Variants in FAM20B observed in about 807,000 individuals in gnomAD.
The protein encoded by FAM20B is glycosaminoglycan xylosylkinase.
A neutral mutation model predicts 43.8 loss-of-function variants in FAM20B; 23 were observed. That is an observed-to-expected ratio of 0.53 (90% CI 0.38 to 0.74). FAM20B has a LOEUF of 0.74. FAM20B is among the 30% of genes least tolerant of loss of function. FAM20B has a pLI of 0.00. For synonymous variants in FAM20B, 178 were observed against 192.4 expected (o/e 0.93, Z 0.62); for missense variants, 440 against 510.5 (o/e 0.86, Z 1.33).
chr1:179,038,884 A>C (rs1021960230), intron 1 of FAM20B, among the ~76,000 whole-genome samples: 2 of 152,206 alleles, frequency 1.3e-5, no homozygotes, highest in Non-Finnish European at 2.9e-5. Flanking sequence ...TTTGAAATTA[A>C]CTCTCACTTT....
intron 3 of FAM20B, among the ~76,000 whole-genome samples, chr1:179,050,760 A>G (rs1464957841): frequency 6.6e-6 from 1 of 152,230 alleles, no homozygotes; most frequent in South Asian, 2.1e-4. Context: ...CTGGAAACAT[A>G]TAGCATGAAA....
At chr1:179,067,053 G>T (rs555049085) in intron 7 of FAM20B, among the ~76,000 whole-genome samples, 194 bp downstream of exon 7, 26 of 151,612 alleles carry the variant, frequency 1.7e-4, no homozygotes, top group Admixed American at 8.5e-4. Context: ...CCAAAGCTCA[G>T]AATTCATCTC....
chr1:179,050,413 ATC>A, intron 3 of FAM20B, 48 bp downstream of exon 3: 1 of 1,480,648 alleles, frequency 6.8e-7, no homozygotes, highest in Non-Finnish European at 9.4e-7. Flanking sequence ...GCTTTCAAAA[ATC>A]TTTCTTGGAG....
intron 7 of FAM20B, among the ~76,000 whole-genome samples, chr1:179,070,137 C>T (rs962150643): frequency 1.3e-5 from 2 of 151,944 alleles, no homozygotes; most frequent in African/African-American, 4.8e-5. Context: ...CCTCCGCCTC[C>T]CAGGTTCAAG....
chr1:179,067,477 C>CACCA (rs1326333248), intron 7 of FAM20B, among the ~76,000 whole-genome samples: 1 of 152,070 alleles, frequency 6.6e-6, no homozygotes, highest in African/African-American at 2.4e-5. Context: ...TGGTGGCAGG[C>CACCA]ACCAGTATTC....
chr1:179,020,837 A>G (rs1292330345), upstream of FAM20B, among the ~76,000 whole-genome samples: 3 of 152,202 alleles, frequency 2.0e-5, no homozygotes, highest in Non-Finnish European at 4.4e-5. Flanking sequence ...TTGGGAGGCC[A>G]AGGCAGGAGG....
chr1:179,051,626 C>CAATAA (rs577697503), intron 3 of FAM20B, among the ~76,000 whole-genome samples: 10 of 152,066 alleles, frequency 6.6e-5, no homozygotes, highest in East Asian at 1.9e-4. Flanking sequence ...GACCCTGTCT[C>CAATAA]AATAAAATAA....
At chr1:179,059,600 A>G (rs1163098554) in intron 4 of FAM20B, among the ~76,000 whole-genome samples, 1 of 152,204 alleles carries the variant, frequency 6.6e-6, no homozygotes. Context: ...CAGGTTTCCT[A>G]TACCAGGCAG....
At chr1:179,031,569 T>C (rs1352439815) in intron 1 of FAM20B, among the ~76,000 whole-genome samples, 2 of 152,242 alleles carry the variant, frequency 1.3e-5, no homozygotes, top group Non-Finnish European at 2.9e-5. Context: ...TAATGCTTCA[T>C]TAATGCCTGG....
At chr1:179,070,192 T>C (rs1412003123) in intron 7 of FAM20B, among the ~76,000 whole-genome samples, 1 of 150,662 alleles carries the variant, frequency 6.6e-6, no homozygotes. Flanking sequence ...ATTACAGGCA[T>C]GTACCACCAT....
intron 3 of FAM20B, among the ~76,000 whole-genome samples, chr1:179,054,047 A>C (rs1234205955): frequency 6.7e-6 from 1 of 149,808 alleles, no homozygotes; most frequent in African/African-American, 2.4e-5. Flanking sequence ...ATTATTAGAG[A>C]TATCTTCAAA....
chr1:179,072,071 T>C lies in FAM20B; in HGVS notation c.1157T>C (p.Val386Ala). 3.1e-6 allele frequency: 5 copies of C among 1,614,180 alleles called. No individual in the cohort carries two copies. Among genetic ancestry groups the C allele is most frequent in the Non-Finnish European group, 4.2e-6 (5 of 1,180,032 alleles). Residue 386 changes from valine (V) to alanine (A), a missense_variant, in exon 8 of 8, where the codon GTG becomes GCG. Coordinates refer to ENST00000263733, the MANE Select transcript of FAM20B (RefSeq NM_014864.4). The stretch of plus-strand genomic sequence containing the variant: ...CGGCTCCTGAGTGTCCTGGCCACCG[T>C]GAAGCAGTGCACCGACCAGTTTGGG... ...DQRLLSVLAT[V>A]KQCTDQFGMD...
rs375120321 is a variant in FAM20B at position 179,054,582 on chromosome 1, G to A, written c.518G>A (p.Arg173Gln). ...GTAGTTGGCAGATTTGTTAATCTTC[G>A]GACAGAGATCAAACCTGTCGCCACA... ...PLVVGRFVNL[R>Q]TEIKPVATEQ... The change falls in exon 4 of 8, where the codon CGG becomes CAG. Residue 173 changes from arginine to glutamine, a missense_variant. Transcript: ENST00000263733. The A allele has an allele frequency of 3.0e-5, 49 of 1,612,750 alleles. No homozygotes were observed. Among genetic ancestry groups the A allele is most frequent in the African/African-American group, 1.1e-4 (8 of 74,904 alleles).
upstream of FAM20B, among the ~76,000 whole-genome samples, chr1:179,025,071 C>A (rs190705642): frequency 6.6e-6 from 1 of 152,262 alleles, no homozygotes; most frequent in Non-Finnish European, 1.5e-5. Flanking sequence ...TAAGTTTGCG[C>A]TTTAGTATAT....
chr1:179,065,599 C>G (rs1167545426), intron 6 of FAM20B, among the ~76,000 whole-genome samples: 1 of 152,200 alleles, frequency 6.6e-6, no homozygotes, highest in Admixed American at 6.5e-5. Context: ...CCATCTTATA[C>G]TGAACACCAG....
intron 6 of FAM20B, among the ~76,000 whole-genome samples, chr1:179,066,000 T>C (rs1380294127): frequency 6.6e-6 from 1 of 152,174 alleles, no homozygotes; most frequent in Non-Finnish European, 1.5e-5. Flanking sequence ...TCATGTGGGC[T>C]CTTCCCTCGT....
intron 7 of FAM20B, among the ~76,000 whole-genome samples, chr1:179,069,509 T>C (rs1651827137): frequency 6.6e-6 from 1 of 152,182 alleles, no homozygotes; most frequent in South Asian, 2.1e-4. Flanking sequence ...TAGCTGGGAT[T>C]ACAGGCACCT....
intron 4 of FAM20B, among the ~76,000 whole-genome samples, chr1:179,058,826 T>C (rs1181973201): frequency 6.6e-6 from 1 of 151,530 alleles, no homozygotes; most frequent in Non-Finnish European, 1.5e-5. Context: ...TATTCAAGAG[T>C]TGGAATGGAA....
Position 179,063,939 on chromosome 1 carries a change from GT to G in FAM20B, c.592del (p.Tyr198MetfsTer19). The G allele has an allele frequency of 1.9e-6, 3 of 1,606,938 alleles. No homozygotes were observed. Among genetic ancestry groups the G allele is most frequent in the Non-Finnish European group, 2.6e-6 (3 of 1,176,330 alleles). Reference sequence around the variant, plus strand: ...TTCTGTCCTTTAGGAAACAATACTTGTTTTTATGGGAAGTGCTATTACTGCC... The same window carrying G: ...TTCTGTCCTTTAGGAAACAATACTTGTTTTATGGGAAGTGCTATTACTGCC... ...STFLTVGNNT[C>X]FYGKCYYCRE... is the part of the protein sequence containing the mutation. On this transcript the variant is annotated frameshift_variant, in exon 5 of 8. Transcript: ENST00000263733. LOFTEE classifies it high-confidence loss of function.
Sources: gnomAD v4.1 joint callset for allele counts (sites outside exome capture counted in the v4.1 genomes callset) on GRCh38, gnomAD v4.1.1 for gene constraint, MANE v1.5 for transcripts, NCBI Gene and HGNC (gene_info 2026-07-23, HGNC 2026-07-21) for gene names.